Variants in B4GALNT3 observed in about 807,000 individuals in gnomAD.
B4GALNT3 encodes the protein beta-1,4-N-acetylgalactosaminyltransferase 3.
Under a neutral mutation model 120.2 loss-of-function variants are expected in B4GALNT3, and 86 were observed. The observed-to-expected ratio is 0.72, with a 90% CI of 0.60 to 0.86. The LOEUF (loss-of-function observed/expected upper bound fraction) is 0.86, where lower values mean the gene tolerates loss of function less well. Among genes scored for constraint, B4GALNT3 ranks in the 40% least tolerant of loss-of-function variants. The pLI is 0.00. For missense variants in B4GALNT3, 1,167 were observed against 1,298.9 expected (o/e 0.90, Z 1.56); for synonymous variants, 518 against 510.4 (o/e 1.01, Z -0.20).
chr12:558,837 G>A (rs768909739), intron 18 of B4GALNT3, among the ~76,000 whole-genome samples, 176 bp downstream of exon 18: 2 of 151,876 alleles, frequency 1.3e-5, no homozygotes, highest in Non-Finnish European at 2.9e-5. Flanking sequence ...CTTGGGCTGA[G>A]CTGACAGCCA....
At chr12:512,474 ACCTTCCACCTTCCG>A (rs1946595147) in intron 1 of B4GALNT3, among the ~76,000 whole-genome samples, 1 of 76,764 alleles carries the variant, frequency 1.3e-5, no homozygotes, top group African/African-American at 5.2e-5. Context: ...CCTTCCGCCC[ACCTTCCACCTTCCG>A]CCTTCCACCT....
Position 550,404 on chromosome 12 carries a change from G to A in B4GALNT3, c.997+492G>A, listed in dbSNP as rs1181888334. ...TTTGGGATGCTGAGGTGGGAGGATC[G>A]CTTGAGCCCAGGAGGTTGAGGCTGC... On this transcript the variant is annotated intron_variant, in intron 10 of 19. Transcript: ENST00000266383. This position sits in a 1 kb window ranked among gnomAD's most constrained non-coding sequence, Gnocchi z 4.1. Among the ~76,000 whole-genome samples, 1 of 152,096 alleles carries A rather than the reference G, an allele frequency of 6.6e-6. No homozygotes were observed. The highest frequency in any genetic ancestry group is 2.1e-4 in the South Asian group (1 of 4,826).
At position 461,884 on chromosome 12, in the gene B4GALNT3, A is replaced by G. The variant is rs370442038; in HGVS notation, c.169+1339A>G. ...TAGCGGGGGAATCAAGGGAAAAACG[A>G]CAGCTTCTCAGGTGAAAATGAGGCC... On this transcript the variant is annotated intron_variant, in intron 1 of 19. Coordinates refer to ENST00000266383, the MANE Select transcript of B4GALNT3 (RefSeq NM_173593.4). Among the ~76,000 whole-genome samples the G allele has an allele frequency of 7.0e-4, 107 of 152,316 alleles. No individual in the cohort carries two copies. In the East Asian group the frequency reaches 0.015, roughly 22 times the overall value.
chr12:541,914 G>T (rs1382745372), intron 3 of B4GALNT3, among the ~76,000 whole-genome samples: 1 of 145,662 alleles, frequency 6.9e-6, no homozygotes, highest in Non-Finnish European at 1.5e-5. Context: ...CTGGTGGCAT[G>T]CCCTCCCCCA....
At chr12:551,299 AGGT>A (rs1947079920) in intron 11 of B4GALNT3, among the ~76,000 whole-genome samples, 1 of 152,206 alleles carries the variant, frequency 6.6e-6, no homozygotes, top group South Asian at 2.1e-4. Context: ...TGATGATATC[AGGT>A]GGCCTGGCTG....
chr12:487,801 T>A (rs180882713), intron 1 of B4GALNT3, among the ~76,000 whole-genome samples: 4 of 150,402 alleles, frequency 2.7e-5, no homozygotes, highest in East Asian at 1.9e-4. Context: ...CAAAAAAAAA[T>A]TTTAAAATTA....
rs1250611226 is a variant in B4GALNT3 at position 562,234 on chromosome 12, G to A, written c.*783G>A. ...CTGGACATTGAGGCCTGCAGAACAG[G>A]CAGGGTGATGAAGGCAGGGGAGAGA... On this transcript the variant is annotated 3_prime_UTR_variant, in exon 20 of 20. Transcript: ENST00000266383. The surrounding 1 kb of genome is among the most constrained non-coding windows in gnomAD (Gnocchi z 5.2). The A allele has an allele frequency of 2.0e-5, 3 of 152,378 alleles. No homozygotes were observed. The highest frequency in any genetic ancestry group is 7.2e-5 in the African/African-American group (3 of 41,480). 9.4% of individuals were successfully genotyped at this position (152,378 alleles called of 1,614,324 possible). A position where few individuals can be genotyped will look rare whatever the true frequency, so the allele number is the denominator to read the frequency against.
rs985251052 is a variant in B4GALNT3 at position 562,312 on chromosome 12, G to C, written c.*861G>C. On this transcript the variant is annotated 3_prime_UTR_variant, in exon 20 of 20. Transcript: ENST00000266383. The surrounding 1 kb of genome is among the most constrained non-coding windows in gnomAD (Gnocchi z 5.2). ...GGGTAAGGCCTCCCGAGAGGACATGGAGAAGAGGTAAAGAGGATGTGGACA... is the reference window on the plus strand; with the variant it reads ...GGGTAAGGCCTCCCGAGAGGACATGCAGAAGAGGTAAAGAGGATGTGGACA... The C allele has an allele frequency of 6.6e-6, 1 of 152,462 alleles. No individual in the cohort carries two copies. Among genetic ancestry groups the C allele is most frequent in the African/African-American group, 2.4e-5 (1 of 41,464 alleles). 9.4% of individuals were successfully genotyped at this position (152,462 alleles called of 1,614,324 possible). A position where few individuals can be genotyped will look rare whatever the true frequency, so the allele number is the denominator to read the frequency against.
intron 3 of B4GALNT3, among the ~76,000 whole-genome samples, chr12:537,753 GAC>G (rs1946876305): frequency 6.6e-6 from 1 of 152,194 alleles, no homozygotes; most frequent in Non-Finnish European, 1.5e-5. Flanking sequence ...AGGCCCTGCG[GAC>G]ACAGATTACT....
intron 1 of B4GALNT3, among the ~76,000 whole-genome samples, chr12:511,280 TCTTCCACCTTCGA>T (rs1946548580): frequency 1.5e-5 from 2 of 137,216 alleles, no homozygotes; most frequent in Non-Finnish European, 1.6e-5. Flanking sequence ...CCTTCGACCT[TCTTCCACCTTCGA>T]CCTTCCACCT....
intron 1 of B4GALNT3, among the ~76,000 whole-genome samples, chr12:493,703 C>T (rs1946365052): frequency 6.6e-6 from 1 of 151,616 alleles, no homozygotes; most frequent in East Asian, 1.9e-4. Context: ...CTTAGCAGTT[C>T]CTGCTTTTAT....
rs948686224 is a variant in B4GALNT3, at chr12:550,803, C to T, written c.998-119C>T. The T allele has an allele frequency of 4.0e-5, 32 of 796,332 alleles. No homozygotes were observed. Among genetic ancestry groups the T allele is most frequent in the Non-Finnish European group, 6.4e-5 (32 of 497,868 alleles). The allele number at this position is 796,332 out of a possible 1,614,324, so 49.3% of individuals were successfully genotyped here. ...TCCAGCTGGCAGCCTCAGCCACAGA[C>T]GTCGGCAGAACACAGCTGCCGCTTG... On this transcript the variant is annotated intron_variant, in intron 10 of 19. Transcript: ENST00000266383. This position sits in a 1 kb window ranked among gnomAD's most constrained non-coding sequence, Gnocchi z 4.1.
At chr12:545,787 AGAGGAATGGGGAGGAGC>A (rs1190609527) in intron 6 of B4GALNT3, among the ~76,000 whole-genome samples, 6 of 75,354 alleles carry the variant, frequency 8.0e-5, no homozygotes, top group African/African-American at 3.8e-4. Context: ...TGGGGAGGTA[AGAGGAATGGGGAGGAGC>A]GAGGAGTGGG....
chr12:524,088 G>A (rs755282219), intron 1 of B4GALNT3, among the ~76,000 whole-genome samples: 2 of 152,042 alleles, frequency 1.3e-5, no homozygotes, highest in African/African-American at 4.8e-5. Flanking sequence ...AACACACATC[G>A]GATAGACTGA....
At chr12:491,136 A>G (rs1222893862) in intron 1 of B4GALNT3, among the ~76,000 whole-genome samples, 1 of 152,216 alleles carries the variant, frequency 6.6e-6, no homozygotes, top group Non-Finnish European at 1.5e-5. Flanking sequence ...TCAACAAAAT[A>G]TTAGCAAATT....
rs375526415 is a variant in B4GALNT3, at chr12:480,466, C to T, written c.169+19921C>T. ...TGAGGTCCCTCTGACCCTGACATTA[C>T]GGAAGGCTTGACGGCCTGGTTCCTG... is the stretch of plus-strand genomic sequence containing the variant. On this transcript the variant is annotated intron_variant, in intron 1 of 19. Transcript: ENST00000266383. 1.3e-3 allele frequency among the ~76,000 whole-genome samples: 191 copies of T among 152,238 alleles called. 3 individuals are homozygous for T. In the Middle Eastern group the frequency reaches 0.014, roughly 11 times the overall value.
At chr12:542,086 C>G (rs1001230877) in intron 3 of B4GALNT3, among the ~76,000 whole-genome samples, 1 of 152,156 alleles carries the variant, frequency 6.6e-6, no homozygotes, top group African/African-American at 2.4e-5. Context: ...CACCCACCTA[C>G]CCAGCCTACT....
At chr12:552,261 C>G in intron 12 of B4GALNT3, 98 bp downstream of exon 12, 1 of 1,100,616 alleles carries the variant, frequency 9.1e-7, no homozygotes, top group Non-Finnish European at 1.4e-6. Context: ...CACCCCAGCC[C>G]AAAGTCTTTG....
At chr12:515,317 C>T (rs1345998494) in intron 1 of B4GALNT3, among the ~76,000 whole-genome samples, 1 of 151,966 alleles carries the variant, frequency 6.6e-6, no homozygotes, top group Non-Finnish European at 1.5e-5. Flanking sequence ...CTCCCGAGTA[C>T]TGAGTAGCTG....
Sources: allele counts gnomAD v4.1 joint callset (sites outside exome capture counted in the v4.1 genomes callset), GRCh38; gene constraint gnomAD v4.1.1; non-coding constraint Gnocchi (gnomAD v3.1); transcripts MANE v1.5; gene names NCBI Gene and HGNC (gene_info 2026-07-23, HGNC 2026-07-21).